SPHKAP: variants seen among roughly 807,000 people sequenced by gnomAD.
The protein encoded by SPHKAP is A-kinase anchor protein SPHKAP.
Under a neutral mutation model 137.5 loss-of-function variants are expected in SPHKAP, and 67 were observed. The observed-to-expected ratio is 0.49, with a 90% confidence interval of 0.40 to 0.60. The LOEUF is 0.60. Among genes scored for constraint, SPHKAP ranks in the 20% least tolerant of loss-of-function variants. The probability of loss-of-function intolerance (pLI) is 0.00; values close to 1 mark genes in which losing one functional copy is unlikely to be tolerated. For synonymous variants in SPHKAP, 813 were observed against 785.3 expected (o/e 1.04, Z -0.59); for missense variants, 2,097 against 2,069.3 (o/e 1.01, Z -0.26).
At position 228,113,647 on chromosome 2, in the gene SPHKAP, CTCTG is replaced by C. The variant is rs899367281; in HGVS notation, c.139-4712_139-4709del. Among the ~76,000 whole-genome samples, 2 of 139,944 alleles carry C rather than the reference CTCTG, an allele frequency of 1.4e-5. 1 individual carries two copies. The highest frequency in any genetic ancestry group is 3.1e-5 in the Non-Finnish European group (2 of 64,732). 91.8% of individuals were successfully genotyped at this position (139,944 alleles called of 152,430 possible). Reference sequence around the variant, plus strand: ...TCTCTCTCTCTCTCTCTCTCTCTCTCTCTGAGCTCAGGTGTGTTCAGGAGGTTTG... The same window carrying C: ...TCTCTCTCTCTCTCTCTCTCTCTCTCAGCTCAGGTGTGTTCAGGAGGTTTG... On this transcript the variant is annotated intron_variant, in intron 2 of 11. Coordinates refer to ENST00000392056, the MANE Select transcript of SPHKAP (RefSeq NM_001142644.2).
At chr2:228,180,689 G>C (rs889573076) in intron 1 of SPHKAP, among the ~76,000 whole-genome samples, 1 of 152,192 alleles carries the variant, frequency 6.6e-6, no homozygotes, top group African/African-American at 2.4e-5. Context: ...CGCGCCCAGC[G>C]AGCGCAAAGA....
intron 3 of SPHKAP, among the ~76,000 whole-genome samples, chr2:228,035,481 C>A (rs1458319940): frequency 3.3e-5 from 5 of 152,082 alleles, no homozygotes; most frequent in Non-Finnish European, 7.4e-5. Context: ...GATTCAATGC[C>A]ATCCCCATCA....
intron 8 of SPHKAP, among the ~76,000 whole-genome samples, 199 bp from the exon 9 acceptor site, chr2:227,993,819 C>A (rs1011154759): frequency 2.6e-5 from 4 of 152,020 alleles, no homozygotes; most frequent in African/African-American, 4.8e-5. Flanking sequence ...ACCAGCTCAG[C>A]AGATAATAAT....
intron 2 of SPHKAP, among the ~76,000 whole-genome samples, chr2:228,120,861 G>A (rs989574405): frequency 9.2e-5 from 14 of 152,134 alleles, no homozygotes; most frequent in African/African-American, 3.4e-4. Flanking sequence ...CTCAGGAAAT[G>A]CAAATATAGT....
At chr2:228,166,085 A>G (rs979718546) in intron 1 of SPHKAP, among the ~76,000 whole-genome samples, 1 of 152,212 alleles carries the variant, frequency 6.6e-6, no homozygotes, top group African/African-American at 2.4e-5. Flanking sequence ...CACGAGGACT[A>G]TGACATGATA....
At chr2:228,090,081 G>A (rs899520386) in intron 3 of SPHKAP, among the ~76,000 whole-genome samples, 17 of 152,290 alleles carry the variant, frequency 1.1e-4, no homozygotes, top group South Asian at 4.1e-4. Flanking sequence ...AGTCGCCAGC[G>A]TCTTGTAACC....
intron 1 of SPHKAP, among the ~76,000 whole-genome samples, chr2:228,154,532 A>ATAT (rs1264773949): frequency 1.0e-4 from 3 of 29,402 alleles, no homozygotes; most frequent in East Asian, 1.1e-3. Context: ...ATATATATAT[A>ATAT]TTTTTTTTTT....
chr2:228,069,553 T>A (rs1696943040), intron 3 of SPHKAP, among the ~76,000 whole-genome samples: 1 of 151,626 alleles, frequency 6.6e-6, no homozygotes, highest in Non-Finnish European at 1.5e-5. Flanking sequence ...CTCAAAGTAC[T>A]GGGACTACAG....
At chr2:228,032,858 A>G (rs1327635114) in intron 3 of SPHKAP, among the ~76,000 whole-genome samples, 4 of 152,214 alleles carry the variant, frequency 2.6e-5, no homozygotes, top group Non-Finnish European at 5.9e-5. Flanking sequence ...GGCCTGCCCT[A>G]CAAGAGCTCC....
Position 228,018,992 on chromosome 2 carries a change from T to A in SPHKAP, c.1862A>T (p.Lys621Met), listed in dbSNP as rs775647127. ...CCTTGTTAAAACCAGAGCAGCCTCC[T>A]TGAGCAATCCCTTGGCAATGGCTTC... is the stretch of plus-strand genomic sequence containing the variant. ...GKEAIAKGLL[K>M]EAALVLTRPN... The change falls in exon 7 of 12, where the codon AAG becomes ATG. Residue 621 changes from lysine to methionine, a missense_variant. By Grantham distance (95) the Lys-to-Met change is moderately conservative (BLOSUM62 -1). Coordinates refer to ENST00000392056, the MANE Select transcript of SPHKAP (RefSeq NM_001142644.2). 8.7e-6 allele frequency: 14 copies of A among 1,614,042 alleles called. No homozygotes were observed. The South Asian group carries it at 1.5e-4, about 18-fold the overall frequency.
intron 3 of SPHKAP, among the ~76,000 whole-genome samples, chr2:228,045,925 G>A (rs1696029778): frequency 6.6e-6 from 1 of 152,068 alleles, no homozygotes; most frequent in African/African-American, 2.4e-5. Context: ...TGAGAAAAAT[G>A]GGGAGAAATT....
At chr2:228,171,133 C>A (rs1447364821) in intron 1 of SPHKAP, among the ~76,000 whole-genome samples, 1 of 152,128 alleles carries the variant, frequency 6.6e-6, no homozygotes, top group African/African-American at 2.4e-5. Flanking sequence ...GGATGATAGA[C>A]ATGTTTTTCT....
At chr2:228,134,234 G>GAGGA (rs71043028) in intron 1 of SPHKAP, among the ~76,000 whole-genome samples, 11,170 of 141,186 alleles carry the variant, frequency 0.079, 472 homozygotes, top group African/African-American at 0.1. Flanking sequence ...AGGAGGGAGG[G>GAGGA]AGGAAGGAAG....
intron 1 of SPHKAP, among the ~76,000 whole-genome samples, chr2:228,157,551 A>G (rs1700142264): frequency 6.6e-6 from 1 of 152,236 alleles, no homozygotes; most frequent in Admixed American, 6.5e-5. Flanking sequence ...GATAATTAGC[A>G]ATAGTACACC....
chr2:228,170,965 A>G (rs1392104829), intron 1 of SPHKAP, among the ~76,000 whole-genome samples: 1 of 152,154 alleles, frequency 6.6e-6, no homozygotes, highest in Non-Finnish European at 1.5e-5. Flanking sequence ...ATGGTTAACA[A>G]CAACACAGAT....
At position 227,995,617 on chromosome 2, in the gene SPHKAP, G is replaced by C. The variant is rs770797115; in HGVS notation, c.4526C>G (p.Pro1509Arg). 7 of 1,613,876 alleles carry C rather than the reference G, an allele frequency of 4.3e-6. No homozygotes were observed. Among genetic ancestry groups the C allele is most frequent in the Non-Finnish European group, 5.9e-6 (7 of 1,179,990 alleles). ...TGTGCTCTCCTCGCTGCTGCTTGGA[G>C]GGTTGGGGGCCTCATCGGGGGCTCT... is the stretch of plus-strand genomic sequence containing the variant. ...EARAPDEAPN[P>R]PSSSEESTGS... Residue 1509 changes from proline to arginine, a missense_variant, in exon 8 of 12, where the codon CCT becomes CGT. Physicochemically the swap from Pro to Arg is moderately radical, Grantham distance 103. Transcript: ENST00000392056.
At chr2:228,137,312 T>C (rs199823973) in intron 1 of SPHKAP, among the ~76,000 whole-genome samples, 1 of 152,216 alleles carries the variant, frequency 6.6e-6, no homozygotes, top group East Asian at 1.9e-4. Context: ...TGTATGTTCT[T>C]ATCTTTCTGA....
At chr2:228,039,958 C>T (rs1306604764) in intron 3 of SPHKAP, among the ~76,000 whole-genome samples, 1 of 152,144 alleles carries the variant, frequency 6.6e-6, no homozygotes, top group Non-Finnish European at 1.5e-5. Flanking sequence ...AGGGGGAAAT[C>T]ACTGTGCAAG....
chr2:228,155,963 G>T (rs558383511), intron 1 of SPHKAP, among the ~76,000 whole-genome samples: 1 of 152,308 alleles, frequency 6.6e-6, no homozygotes, highest in South Asian at 2.1e-4. Context: ...AGGTCATCCA[G>T]TTTATTAGCC....
Sources: allele counts gnomAD v4.1 joint callset (sites outside exome capture counted in the v4.1 genomes callset), GRCh38; gene constraint gnomAD v4.1.1; transcripts MANE v1.5; gene names NCBI Gene and HGNC (gene_info 2026-07-23, HGNC 2026-07-21).